FMN1: variants seen among roughly 807,000 people sequenced by gnomAD.
The protein encoded by FMN1 is formin-1.
Under a neutral mutation model 132.4 loss-of-function variants are expected in FMN1, and 110 were observed. That is an observed-to-expected ratio of 0.83 (90% confidence interval 0.71 to 0.97). The LOEUF is 0.97. FMN1 is among the 50% of genes least tolerant of loss of function. The pLI is 0.00. For synonymous variants in FMN1, 722 were observed against 651.7 expected (o/e 1.11, Z -1.64); for missense variants, 1,792 against 1,705.3 (o/e 1.05, Z -0.90).
intron 4 of FMN1, among the ~76,000 whole-genome samples, chr15:33,128,296 T>G (rs537407903): frequency 3.9e-5 from 6 of 152,324 alleles, no homozygotes; most frequent in Non-Finnish European, 8.8e-5. Flanking sequence ...AATTTGAACA[T>G]GGCTGCTGAC....
At chr15:33,053,378 C>A (rs1298010827) in intron 6 of FMN1, among the ~76,000 whole-genome samples, 3 of 152,238 alleles carry the variant, frequency 2.0e-5, no homozygotes, top group Non-Finnish European at 2.9e-5. Context: ...ACAGAAGTTG[C>A]TCCTATGTTG....
intron 5 of FMN1, among the ~76,000 whole-genome samples, chr15:33,084,736 CCT>C (rs71424690): frequency 0.075 from 11,459 of 152,134 alleles, 556 homozygotes; most frequent in Middle Eastern, 0.12. Context: ...CCAAGGAACC[CCT>C]GAGTCTTCTC....
chr15:33,089,949 T>C (rs1187861374), intron 4 of FMN1, among the ~76,000 whole-genome samples: 1 of 152,218 alleles, frequency 6.6e-6, no homozygotes, highest in Non-Finnish European at 1.5e-5. Context: ...TGCCCTTTAG[T>C]ACAGAAAACC....
chr15:32,845,719 A>G (rs1297496551), intron 17 of FMN1, among the ~76,000 whole-genome samples: 1 of 152,252 alleles, frequency 6.6e-6, no homozygotes, highest in Non-Finnish European at 1.5e-5. Flanking sequence ...AGTCAAGTAT[A>G]GCATGCTCCC....
intron 20 of FMN1, 24 bp from the exon 21 acceptor site, chr15:32,774,378 G>A (rs2056347362): frequency 6.4e-7 from 1 of 1,552,740 alleles, no homozygotes; most frequent in Non-Finnish European, 8.7e-7. Context: ...AAAAATGAAT[G>A]TATCATTTTC....
chr15:33,065,120 G>A (rs745839304), intron 5 of FMN1, 46 bp from the exon 6 acceptor site: 31 of 1,282,584 alleles, frequency 2.4e-5, no homozygotes, highest in African/African-American at 3.0e-5. Context: ...AGTCAGAGCC[G>A]ATTAATTCCT....
At chr15:33,081,841 C>G (rs1414924037) in intron 5 of FMN1, among the ~76,000 whole-genome samples, 1 of 152,126 alleles carries the variant, frequency 6.6e-6, no homozygotes, top group Admixed American at 6.6e-5. Context: ...TTTAGACAGT[C>G]AAGCTTGGGA....
At chr15:33,043,341 T>C (rs916237026) in intron 6 of FMN1, among the ~76,000 whole-genome samples, 1 of 152,236 alleles carries the variant, frequency 6.6e-6, no homozygotes, top group African/African-American at 2.4e-5. Flanking sequence ...ATCACTGAAT[T>C]TTGGCCAGTC....
chr15:33,172,570 T>C (rs1339581163), intron 3 of FMN1, among the ~76,000 whole-genome samples: 1 of 152,238 alleles, frequency 6.6e-6, no homozygotes, highest in Admixed American at 6.5e-5. Context: ...ACACTGGTTA[T>C]GTGGTTTGAC....
At chr15:33,037,578 T>G (rs2036244956) in intron 6 of FMN1, among the ~76,000 whole-genome samples, 1 of 152,060 alleles carries the variant, frequency 6.6e-6, no homozygotes, top group Admixed American at 6.5e-5. Flanking sequence ...CAAGCCACAG[T>G]GAAAGAAAAT....
At chr15:32,803,266 T>C (rs2057542040) in intron 18 of FMN1, among the ~76,000 whole-genome samples, 1 of 152,234 alleles carries the variant, frequency 6.6e-6, no homozygotes, top group African/African-American at 2.4e-5. Flanking sequence ...ACCAGTACTT[T>C]TAGAATTCGT....
chr15:32,785,290 C>T (rs1413892163), intron 19 of FMN1, among the ~76,000 whole-genome samples: 1 of 141,556 alleles, frequency 7.1e-6, no homozygotes, highest in Non-Finnish European at 1.5e-5. Context: ...CTCCTGAACT[C>T]AAGCAATCCA....
chr15:33,095,571 T>C (rs981088630), intron 4 of FMN1, among the ~76,000 whole-genome samples: 1 of 152,042 alleles, frequency 6.6e-6, no homozygotes, highest in Admixed American at 6.5e-5. Context: ...GTTTTTAATT[T>C]TTTTTTGTAG....
At chr15:32,981,454 C>T (rs959123202) in intron 7 of FMN1, among the ~76,000 whole-genome samples, 8 of 150,466 alleles carry the variant, frequency 5.3e-5, no homozygotes, top group Non-Finnish European at 1.0e-4. Context: ...GGAGGCGGAG[C>T]CTGCAGTGAG....
chr15:33,008,217 G>C (rs902197734), intron 6 of FMN1, 142 bp from the exon 7 acceptor site: 10 of 681,418 alleles, frequency 1.5e-5, no homozygotes, highest in Non-Finnish European at 2.5e-5. Flanking sequence ...AAAAATTACA[G>C]AAAGATAGGA....
chr15:32,987,932 TCA>T (rs1360147891), intron 7 of FMN1, among the ~76,000 whole-genome samples: 2 of 152,090 alleles, frequency 1.3e-5, no homozygotes, highest in Non-Finnish European at 2.9e-5. Flanking sequence ...CTAGCAACAG[TCA>T]CAGTTTCTCA....
chr15:32,997,490 T>C (rs1356673444), intron 7 of FMN1, among the ~76,000 whole-genome samples: 3 of 152,168 alleles, frequency 2.0e-5, no homozygotes, highest in African/African-American at 7.2e-5. Flanking sequence ...GGTTGATGAA[T>C]CTAGCCATTC....
chr15:32,783,744 CAAAAAAAAAAAAAAAAA>C (rs533699379), intron 19 of FMN1, among the ~76,000 whole-genome samples: 26 of 64,246 alleles, frequency 4.0e-4, no homozygotes, highest in African/African-American at 6.9e-4. Flanking sequence ...GACTCTGTTT[CAAAAAAAAAAAAAAAAA>C]AAAAAAAAAA....
At chr15:32,825,636 ATAAGTT>A (rs2058346013) in intron 17 of FMN1, among the ~76,000 whole-genome samples, 2 of 152,222 alleles carry the variant, frequency 1.3e-5, no homozygotes, top group Non-Finnish European at 2.9e-5. Context: ...CTTGCTAATT[ATAAGTT>A]TATCTGTCCT....
Sources: allele counts gnomAD v4.1 joint callset (sites outside exome capture counted in the v4.1 genomes callset), GRCh38; gene constraint gnomAD v4.1.1; transcripts MANE v1.5; gene names NCBI Gene and HGNC (gene_info 2026-07-23, HGNC 2026-07-21).